The following KLHL29 variants were observed in gnomAD, a reference collection of about 807,000 sequenced individuals.
The protein encoded by KLHL29 is kelch-like protein 29.
Under a neutral mutation model 80.4 loss-of-function variants are expected in KLHL29, and 21 were observed. The observed-to-expected ratio is 0.26, with a 90% confidence interval of 0.19 to 0.38. The LOEUF (loss-of-function observed/expected upper bound fraction) is 0.38. Among genes scored for constraint, KLHL29 ranks in the 10% least tolerant of loss-of-function variants. The pLI, the probability that KLHL29 is intolerant of heterozygous loss-of-function variation, is 1.00. For synonymous variants in KLHL29, 511 were observed against 526.8 expected (o/e 0.97, Z 0.41); for missense variants, 867 against 1,223.9 (o/e 0.71, Z 4.35).
chr2:23,481,162 G>A (rs760159594), intron 2 of KLHL29, among the ~76,000 whole-genome samples: 6 of 152,218 alleles, frequency 3.9e-5, no homozygotes, highest in Non-Finnish European at 8.8e-5. Flanking sequence ...GTGGATCCAG[G>A]CATCTGGATT....
At chr2:23,658,432 A>G (rs1670306094) in intron 5 of KLHL29, among the ~76,000 whole-genome samples, 1 of 152,198 alleles carries the variant, frequency 6.6e-6, no homozygotes, top group Admixed American at 6.5e-5. Context: ...GAGGGCAGGC[A>G]GCCTCATTCG....
intron 2 of KLHL29, among the ~76,000 whole-genome samples, chr2:23,527,267 GCTT>G (rs763216170): frequency 7.2e-5 from 11 of 152,174 alleles, no homozygotes; most frequent in Non-Finnish European, 1.3e-4. Flanking sequence ...AATGCGACCT[GCTT>G]CTTCTCCCCT....
At chr2:23,575,127 C>T (rs1667811323) in intron 3 of KLHL29, among the ~76,000 whole-genome samples, 2 of 152,204 alleles carry the variant, frequency 1.3e-5, no homozygotes, top group South Asian at 2.1e-4. Context: ...GCTGCCTGGC[C>T]GGCCGCAAGT....
chr2:23,635,408 C>G (rs891850296), intron 3 of KLHL29, among the ~76,000 whole-genome samples: 1 of 152,202 alleles, frequency 6.6e-6, no homozygotes, highest in East Asian at 1.9e-4. Context: ...TCCCCCCAAG[C>G]TGGTGGAGTG....
At chr2:23,428,427 T>C (rs530789379) in intron 1 of KLHL29, among the ~76,000 whole-genome samples, 1 of 152,322 alleles carries the variant, frequency 6.6e-6, no homozygotes, top group South Asian at 2.1e-4. Flanking sequence ...TGGCACTCCA[T>C]AATCACTTTA....
chr2:23,487,419 G>C (rs1381398205), intron 2 of KLHL29, among the ~76,000 whole-genome samples: 1 of 152,146 alleles, frequency 6.6e-6, no homozygotes, highest in Non-Finnish European at 1.5e-5. Context: ...CTGCCCAAGG[G>C]ACACTTTGCA....
intron 1 of KLHL29, among the ~76,000 whole-genome samples, chr2:23,411,899 G>A (rs1335883449): frequency 1.3e-5 from 2 of 152,144 alleles, no homozygotes; most frequent in Non-Finnish European, 2.9e-5. Flanking sequence ...TTTTCGTCAT[G>A]GATGTTTTCT....
chr2:23,621,348 C>T (rs1669178208), intron 3 of KLHL29, among the ~76,000 whole-genome samples: 1 of 152,226 alleles, frequency 6.6e-6, no homozygotes, highest in African/African-American at 2.4e-5. Context: ...AGGGAGAAGC[C>T]TCTTGTCCAG....
chr2:23,522,509 C>T (rs929443326), intron 2 of KLHL29, among the ~76,000 whole-genome samples: 3 of 151,646 alleles, frequency 2.0e-5, no homozygotes, highest in Non-Finnish European at 4.4e-5. Flanking sequence ...CAGAAGGATG[C>T]TTGTTCTTAT....
rs72784296 is a variant in KLHL29 at position 23,531,302 on chromosome 2, G to A, written c.-45-30850G>A. Among the ~76,000 whole-genome samples the A allele has an allele frequency of 6.1e-3, 935 of 152,358 alleles. 8 individuals carry two copies. The highest frequency in any genetic ancestry group is 1.0e-2 in the Non-Finnish European group (678 of 68,034). ...ATGTTGGGTTCTTGTTGCCTGGGAC[G>A]TTTCAAAAGCAGACCACTGCCAACA... On this transcript the variant is annotated intron_variant, in intron 2 of 13. Transcript: ENST00000486442.
chr2:23,604,985 C>T (rs1048056138), intron 3 of KLHL29, among the ~76,000 whole-genome samples: 14 of 152,290 alleles, frequency 9.2e-5, no homozygotes, highest in Admixed American at 7.8e-4. Context: ...GTCCGCTGAG[C>T]GCCCCAACTC....
intron 2 of KLHL29, among the ~76,000 whole-genome samples, chr2:23,481,610 G>C (rs1664799640): frequency 6.6e-6 from 1 of 152,214 alleles, no homozygotes; most frequent in Non-Finnish European, 1.5e-5. Flanking sequence ...AGCCCTCCAA[G>C]ATCCCGTAGA....
chr2:23,541,524 T>C (rs1403161095), intron 2 of KLHL29, among the ~76,000 whole-genome samples: 1 of 152,226 alleles, frequency 6.6e-6, no homozygotes, highest in Non-Finnish European at 1.5e-5. Context: ...AGCACAGTGC[T>C]GAGTGCCTGG....
At chr2:23,655,310 G>A (rs1055077534) in intron 5 of KLHL29, among the ~76,000 whole-genome samples, 11 of 152,302 alleles carry the variant, frequency 7.2e-5, no homozygotes, top group African/African-American at 2.6e-4. Context: ...TCCTATGAAG[G>A]AGCCAATTCC....
intron 2 of KLHL29, among the ~76,000 whole-genome samples, chr2:23,532,944 G>A (rs1038486952): frequency 9.2e-5 from 14 of 152,116 alleles, no homozygotes; most frequent in Non-Finnish European, 2.1e-4. Context: ...TCAGCTGGCG[G>A]TGAGAAAGCC....
At chr2:23,397,305 C>T (rs1277171151) in intron 1 of KLHL29, among the ~76,000 whole-genome samples, 2 of 152,270 alleles carry the variant, frequency 1.3e-5, no homozygotes, top group African/African-American at 2.4e-5. Context: ...CCTCACATCA[C>T]TGAGTGAGCA....
intron 2 of KLHL29, among the ~76,000 whole-genome samples, chr2:23,478,131 G>A (rs1168720755): frequency 3.9e-5 from 6 of 152,118 alleles, no homozygotes; most frequent in Admixed American, 6.5e-5. Flanking sequence ...CCTAGCACTC[G>A]GCCAGTTCCT....
intron 2 of KLHL29, among the ~76,000 whole-genome samples, chr2:23,477,840 T>G (rs1308583503): frequency 1.3e-5 from 2 of 152,330 alleles, no homozygotes; most frequent in South Asian, 4.1e-4. Context: ...ACCTGTGAGT[T>G]TGGCAAGAGT....
intron 2 of KLHL29, among the ~76,000 whole-genome samples, chr2:23,489,214 C>T (rs1665024382): frequency 6.6e-6 from 1 of 152,124 alleles, no homozygotes; most frequent in Non-Finnish European, 1.5e-5. Flanking sequence ...GGAAGGTGCC[C>T]TCCTGTTCCC....
Sources: allele counts gnomAD v4.1 joint callset (sites outside exome capture counted in the v4.1 genomes callset), GRCh38; gene constraint gnomAD v4.1.1; transcripts MANE v1.5; gene names NCBI Gene and HGNC (gene_info 2026-07-23, HGNC 2026-07-21).